Variants in SLC35F3 observed in about 807,000 individuals in gnomAD.
SLC35F3 encodes the protein putative thiamine transporter SLC35F3.
SLC35F3 carries 25 observed loss-of-function variants against 49.9 expected under a neutral mutation model. The observed-to-expected ratio is 0.50, with a 90% confidence interval of 0.37 to 0.70. The LOEUF (loss-of-function observed/expected upper bound fraction) is 0.70, where lower values mean the gene tolerates loss of function less well. SLC35F3 is among the 30% of genes least tolerant of loss of function. SLC35F3 has a pLI of 0.00. For missense variants in SLC35F3, 525 were observed against 639.8 expected (o/e 0.82, Z 1.94); for synonymous variants, 275 against 265.4 (o/e 1.04, Z -0.35).
chr1:234,168,315 G>A (rs1666348553), intron 2 of SLC35F3, among the ~76,000 whole-genome samples: 1 of 152,232 alleles, frequency 6.6e-6, no homozygotes, highest in South Asian at 2.1e-4. Context: ...CTCCCCCAGG[G>A]GTCCGTGCAA....
At chr1:234,242,068 G>A (rs1025759254) in intron 3 of SLC35F3, among the ~76,000 whole-genome samples, 4 of 152,200 alleles carry the variant, frequency 2.6e-5, no homozygotes, top group Non-Finnish European at 4.4e-5. Context: ...AGCTTTGCTT[G>A]GCTAATGAAA....
In SLC35F3 at chr1:234,035,647, T is replaced by G. The variant is rs536892481; in HGVS notation, c.283+129889T>G. ...CTTTGCTTTTCTGTTTCCTTCTGTT[T>G]CCTACCTCTTTGTGCTTTTACTCCA... is the stretch of plus-strand genomic sequence containing the variant. On this transcript the variant is annotated intron_variant, in intron 2 of 7. Transcript: ENST00000366618. Among the ~76,000 whole-genome samples, 3 of 152,330 alleles carry G rather than the reference T, an allele frequency of 2.0e-5. No homozygotes were observed. In the South Asian group the frequency reaches 6.2e-4, roughly 32 times the overall value.
In SLC35F3 at chr1:234,320,891, C is replaced by T. The variant is rs767528361; in HGVS notation, c.1237+704C>T. Among the ~76,000 whole-genome samples the T allele has an allele frequency of 2.3e-4, 35 of 152,160 alleles. No homozygotes were observed. Among genetic ancestry groups the T allele is most frequent in the Non-Finnish European group, 1.9e-4 (13 of 68,030 alleles). On this transcript the variant is annotated intron_variant, in intron 7 of 7. Coordinates refer to ENST00000366618, the MANE Select transcript of SLC35F3 (RefSeq NM_173508.4). The surrounding 1 kb of genome is among the most constrained non-coding windows in gnomAD (Gnocchi z 4.8). ...TTTTCTTCCCAGAACCTCCTGGCCT[C>T]ATACCTGACCTCCCTAGGCATCCTT...
intron 2 of SLC35F3, among the ~76,000 whole-genome samples, chr1:234,149,697 A>T (rs1391736300): frequency 6.6e-6 from 1 of 152,204 alleles, no homozygotes; most frequent in African/African-American, 2.4e-5. Flanking sequence ...TGATATTTTC[A>T]AAAGAATATA....
At chr1:234,257,134 T>A (rs1339240113) in intron 3 of SLC35F3, among the ~76,000 whole-genome samples, 3 of 152,220 alleles carry the variant, frequency 2.0e-5, no homozygotes, top group African/African-American at 4.8e-5. Context: ...GTTGGGGATA[T>A]AATTTTATGA....
intron 2 of SLC35F3, among the ~76,000 whole-genome samples, chr1:234,208,694 A>G (rs1667009409): frequency 1.3e-5 from 2 of 152,206 alleles, no homozygotes; most frequent in African/African-American, 2.4e-5. Context: ...CACTCCTGGC[A>G]TGTGAGCTCT....
intron 2 of SLC35F3, among the ~76,000 whole-genome samples, chr1:234,200,466 G>A (rs998184301): frequency 1.3e-5 from 2 of 152,158 alleles, no homozygotes; most frequent in African/African-American, 4.8e-5. Context: ...GTTTGCTGTT[G>A]TGCTGAATGC....
intron 2 of SLC35F3, among the ~76,000 whole-genome samples, chr1:234,159,645 A>G (rs974116126): frequency 2.6e-5 from 4 of 152,162 alleles, no homozygotes; most frequent in African/African-American, 9.7e-5. Context: ...GGCTTTACAA[A>G]CTGGAGCCAT....
chr1:234,098,947 G>C (rs1466453711), intron 2 of SLC35F3, among the ~76,000 whole-genome samples: 1 of 152,078 alleles, frequency 6.6e-6, no homozygotes, highest in Non-Finnish European at 1.5e-5. Flanking sequence ...GGTAGTGATG[G>C]TGTTATAGGG....
At position 233,910,350 on chromosome 1, in the gene SLC35F3, C is replaced by T. The variant is rs543903168; in HGVS notation, c.283+4592C>T. ...TCTGATAGGGTGGGACAGCTGGTGG[C>T]ATTTCCATACAGGAATGATTGAAGG... On this transcript the variant is annotated intron_variant, in intron 2 of 7. Transcript: ENST00000366618. Among the ~76,000 whole-genome samples, 295 of 152,338 alleles carry T rather than the reference C, an allele frequency of 1.9e-3. 1 individual carries two copies. The highest frequency in any genetic ancestry group is 6.9e-3 in the African/African-American group (288 of 41,574).
At position 234,166,277 on chromosome 1, in the gene SLC35F3, G is replaced by A. The variant is rs189710621; in HGVS notation, c.284-65140G>A. Among the ~76,000 whole-genome samples the A allele has an allele frequency of 9.2e-5, 14 of 152,086 alleles. No homozygotes were observed. The East Asian group carries it at 1.2e-3, about 13-fold the overall frequency. The stretch of plus-strand genomic sequence containing the variant: ...CACTGTCAACATCCCCCACCAGAGC[G>A]GTCCATTTGTTACAACCAATGACCC... On this transcript the variant is annotated intron_variant, in intron 2 of 7. Transcript: ENST00000366618.
chr1:234,097,091 G>A (rs574726577), intron 2 of SLC35F3, among the ~76,000 whole-genome samples: 7 of 152,124 alleles, frequency 4.6e-5, no homozygotes, highest in Admixed American at 2.0e-4. Context: ...GTTTCTTCAC[G>A]TTGGTCAGGC....
chr1:234,003,849 G>A (rs1663589804), intron 2 of SLC35F3, among the ~76,000 whole-genome samples: 2 of 152,146 alleles, frequency 1.3e-5, no homozygotes, highest in South Asian at 4.1e-4. Flanking sequence ...TCAATTAAAT[G>A]ATGCTCAGCC....
rs183659138 is a variant in SLC35F3, at chr1:233,923,797, C to T, written c.283+18039C>T. On this transcript the variant is annotated intron_variant, in intron 2 of 7. Transcript: ENST00000366618. ...TTGGCTGTGAGTTTGTCATAAATAG[C>T]TCTTATTTTGAGATACATTCCATCG... is the stretch of plus-strand genomic sequence containing the variant. Among the ~76,000 whole-genome samples the T allele has an allele frequency of 1.2e-4, 18 of 152,030 alleles. No homozygotes were observed. In the East Asian group the frequency reaches 3.1e-3, roughly 26 times the overall value.
chr1:234,129,142 ATATTT>A (rs1665695692), intron 2 of SLC35F3, among the ~76,000 whole-genome samples: 1 of 152,202 alleles, frequency 6.6e-6, no homozygotes, highest in Non-Finnish European at 1.5e-5. Context: ...GTAGAAGAAG[ATATTT>A]AAAATACATA....
intron 2 of SLC35F3, among the ~76,000 whole-genome samples, chr1:234,066,875 C>G (rs968979413): frequency 7.9e-6 from 1 of 126,974 alleles, no homozygotes; most frequent in Non-Finnish European, 1.7e-5. Flanking sequence ...CACACACACA[C>G]AATTATATTA....
chr1:234,180,732 G>A (rs183223652), intron 2 of SLC35F3, among the ~76,000 whole-genome samples: 1 of 152,326 alleles, frequency 6.6e-6, no homozygotes, highest in Admixed American at 6.5e-5. Flanking sequence ...TTGGAGTAAA[G>A]TGTTCCAGAA....
At position 234,308,092 on chromosome 1, in the gene SLC35F3, G is replaced by A. The variant is rs76751577; in HGVS notation, c.609-1009G>A. ...AGATGTTTCCTCATCTCATTCCCGC[G>A]TTAGACTCTGAACTTTTGGATCTGC... On this transcript the variant is annotated intron_variant, in intron 3 of 7. Coordinates refer to ENST00000366618, the MANE Select transcript of SLC35F3 (RefSeq NM_173508.4). Among the ~76,000 whole-genome samples, 1,297 of 152,168 alleles carry A rather than the reference G, an allele frequency of 8.5e-3. 12 individuals are homozygous for A. Among genetic ancestry groups the A allele is most frequent in the Middle Eastern group, 0.024 (7 of 294 alleles).
chr1:234,061,270 T>A (rs894099745), intron 2 of SLC35F3, among the ~76,000 whole-genome samples: 3 of 152,198 alleles, frequency 2.0e-5, no homozygotes, highest in Admixed American at 6.5e-5. Context: ...CAGGTTTTTT[T>A]AAATATGTTA....
Sources: allele counts gnomAD v4.1 joint callset (sites outside exome capture counted in the v4.1 genomes callset), GRCh38; gene constraint gnomAD v4.1.1; non-coding constraint Gnocchi (gnomAD v3.1); transcripts MANE v1.5; gene names NCBI Gene and HGNC (gene_info 2026-07-23, HGNC 2026-07-21).